Variants in CYB5R4 observed in about 807,000 individuals in gnomAD.
The protein encoded by CYB5R4 is cytochrome b5 reductase 4.
Under a neutral mutation model 70.2 loss-of-function variants are expected in CYB5R4, and 55 were observed. The ratio of observed to expected loss-of-function variants is 0.78; its 90% CI spans 0.63 to 0.98. The LOEUF (loss-of-function observed/expected upper bound fraction) is 0.98, where lower values mean the gene tolerates loss of function less well. Ranked by LOEUF, CYB5R4 falls within the 50% of genes least tolerant of loss-of-function variation. The pLI, the probability that CYB5R4 is intolerant of heterozygous loss-of-function variation, is 0.00. For synonymous variants in CYB5R4, 197 were observed against 199.5 expected, an observed-to-expected ratio of 0.99 and a Z score of 0.11; for missense variants, 562 against 612.6, an observed-to-expected ratio of 0.92 and a Z score of 0.87.
chr6:83,901,369 C>G (rs1307385860), intron 3 of CYB5R4, among the ~76,000 whole-genome samples: 1 of 152,186 alleles, frequency 6.6e-6, no homozygotes, highest in Non-Finnish European at 1.5e-5. Flanking sequence ...GTTACCCGAC[C>G]TTTCTCTCTG....
chr6:83,871,972 T>TA (rs1298801681), intron 2 of CYB5R4, among the ~76,000 whole-genome samples: 1 of 152,214 alleles, frequency 6.6e-6, no homozygotes, highest in Non-Finnish European at 1.5e-5. Context: ...TCTTTTCTGT[T>TA]ACATTGTTTG....
At chr6:83,912,900 G>C (rs2099464910) in intron 4 of CYB5R4, among the ~76,000 whole-genome samples, 1 of 152,040 alleles carries the variant, frequency 6.6e-6, no homozygotes, top group South Asian at 2.1e-4. Context: ...TGGTGGGGGG[G>C]AACTACTAAT....
intron 13 of CYB5R4, 101 bp downstream of exon 13, chr6:83,940,307 C>T: frequency 8.5e-7 from 1 of 1,178,266 alleles, no homozygotes; most frequent in Non-Finnish European, 1.2e-6. Flanking sequence ...GACATGTTAC[C>T]ATTTCCTCAT....
chr6:83,964,775 A>G lies in CYB5R4; in HGVS notation c.*4897A>G, dbSNP rs746654729. ...AGACCTGGAGGTCTAGGAAGAAAAAATGGTAAAAATGGTTTTGTGGGCAAG... is the reference window on the plus strand; with the variant it reads ...AGACCTGGAGGTCTAGGAAGAAAAAGTGGTAAAAATGGTTTTGTGGGCAAG... On this transcript the variant is annotated 3_prime_UTR_variant, in exon 16 of 16. Transcript: ENST00000369681. 4 of 152,146 alleles carry G rather than the reference A, an allele frequency of 2.6e-5. No homozygotes were observed. Among genetic ancestry groups the G allele is most frequent in the Non-Finnish European group, 5.9e-5 (4 of 68,042 alleles). 9.4% of individuals were successfully genotyped at this position (152,146 alleles called of 1,614,324 possible).
chr6:83,959,959 T>C lies in CYB5R4; in HGVS notation c.*81T>C. ...AGGGTTTTTTAAGAGAACATTTTTG[T>C]ACATAACAAAAGGTTAACTAGAATC... On this transcript the variant is annotated 3_prime_UTR_variant, in exon 16 of 16. Transcript: ENST00000369681. 1 of 1,112,086 alleles carries C rather than the reference T, an allele frequency of 9.0e-7. No individual in the cohort carries two copies. The highest frequency in any genetic ancestry group is 1.3e-6 in the Non-Finnish European group (1 of 793,336). 68.9% of individuals were successfully genotyped at this position (1,112,086 alleles called of 1,614,324 possible).
intron 2 of CYB5R4, among the ~76,000 whole-genome samples, chr6:83,886,908 A>G (rs2099460331): frequency 6.6e-6 from 1 of 152,172 alleles, no homozygotes; most frequent in African/African-American, 2.4e-5. Flanking sequence ...GTGAGGTTAG[A>G]CAATTGGTAT....
chr6:83,938,400 T>C (rs927635931), intron 12 of CYB5R4, among the ~76,000 whole-genome samples: 5 of 152,224 alleles, frequency 3.3e-5, no homozygotes, highest in Non-Finnish European at 7.4e-5. Flanking sequence ...GGCACAAATA[T>C]TTGTGTCACT....
At chr6:83,904,587 T>C (rs544631974) in intron 3 of CYB5R4, among the ~76,000 whole-genome samples, 3 of 152,334 alleles carry the variant, frequency 2.0e-5, no homozygotes, top group East Asian at 3.9e-4. Context: ...TTGTTGATTT[T>C]TCTCCCTAGA....
At chr6:83,943,122 G>A (rs988963239) in intron 14 of CYB5R4, among the ~76,000 whole-genome samples, 41 of 152,138 alleles carry the variant, frequency 2.7e-4, no homozygotes, top group Non-Finnish European at 4.9e-4. Context: ...CTAAGTGACC[G>A]ACTGCCTCCT....
At chr6:83,915,080 A>G (rs530119397) in intron 5 of CYB5R4, among the ~76,000 whole-genome samples, 4 of 152,230 alleles carry the variant, frequency 2.6e-5, no homozygotes, top group South Asian at 2.1e-4. Context: ...CATTGTTTGC[A>G]TACACATGCC....
intron 14 of CYB5R4, among the ~76,000 whole-genome samples, chr6:83,950,170 A>C (rs2099471300): frequency 6.6e-6 from 1 of 152,112 alleles, no homozygotes; most frequent in Admixed American, 6.6e-5. Flanking sequence ...TTTTCATGTC[A>C]TTAAGTATGA....
chr6:83,887,087 A>G (rs950124024), intron 2 of CYB5R4, among the ~76,000 whole-genome samples: 7 of 152,204 alleles, frequency 4.6e-5, no homozygotes, highest in African/African-American at 7.2e-5. Context: ...GAAAAACTAT[A>G]GGCAGTGTCT....
intron 2 of CYB5R4, among the ~76,000 whole-genome samples, chr6:83,870,315 A>C (rs2099457395): frequency 1.3e-5 from 2 of 152,206 alleles, no homozygotes; most frequent in African/African-American, 4.8e-5. Flanking sequence ...AATGATTGCT[A>C]TGAACAAGGA....
intron 10 of CYB5R4, among the ~76,000 whole-genome samples, chr6:83,928,404 C>G (rs1296844545): frequency 6.6e-6 from 1 of 151,994 alleles, no homozygotes; most frequent in Non-Finnish European, 1.5e-5. Context: ...TTGTGGTGGC[C>G]CCAAGTGAAT....
chr6:83,931,588 T>G (rs2099468146), intron 10 of CYB5R4, among the ~76,000 whole-genome samples: 1 of 152,112 alleles, frequency 6.6e-6, no homozygotes, highest in Non-Finnish European at 1.5e-5. Context: ...CAATATTAAT[T>G]GTATGTATTT....
At chr6:83,867,425 A>G (rs926058222) in intron 2 of CYB5R4, among the ~76,000 whole-genome samples, 2 of 152,232 alleles carry the variant, frequency 1.3e-5, no homozygotes, top group Non-Finnish European at 2.9e-5. Flanking sequence ...TGTTCCTCAT[A>G]TAGATGGCAG....
At chr6:83,888,287 A>C (rs1375765164) in intron 2 of CYB5R4, among the ~76,000 whole-genome samples, 1 of 152,208 alleles carries the variant, frequency 6.6e-6, no homozygotes, top group Non-Finnish European at 1.5e-5. Context: ...TAGTACAAAT[A>C]GAGTACAGGC....
intron 6 of CYB5R4, among the ~76,000 whole-genome samples, chr6:83,918,851 G>C (rs988802861): frequency 1.3e-5 from 2 of 151,944 alleles, no homozygotes; most frequent in African/African-American, 4.8e-5. Flanking sequence ...TTTTAAGTTA[G>C]GGACTAAGGA....
chr6:83,946,151 G>A (rs2099470577), intron 14 of CYB5R4, among the ~76,000 whole-genome samples: 1 of 152,206 alleles, frequency 6.6e-6, no homozygotes, highest in South Asian at 2.1e-4. Context: ...TATCCCTGAT[G>A]AACATCGATG....
Sources: gnomAD v4.1 joint callset for allele counts (sites outside exome capture counted in the v4.1 genomes callset) on GRCh38, gnomAD v4.1.1 for gene constraint, MANE v1.5 for transcripts, NCBI Gene and HGNC (gene_info 2026-07-23, HGNC 2026-07-21) for gene names.